DOCK3: variants seen among roughly 807,000 people sequenced by gnomAD.
The protein encoded by DOCK3 is dedicator of cytokinesis protein 3.
DOCK3 carries 60 observed loss-of-function variants against 265.6 expected under a neutral mutation model. The ratio of observed to expected loss-of-function variants is 0.23; its 90% CI spans 0.18 to 0.28. The LOEUF (loss-of-function observed/expected upper bound fraction) is 0.28. Among genes scored for constraint, DOCK3 ranks in the 10% least tolerant of loss-of-function variants. The probability of loss-of-function intolerance (pLI) is 1.00; values close to 1 mark genes in which losing one functional copy is unlikely to be tolerated. For synonymous variants in DOCK3, 881 were observed against 938.0 expected (o/e 0.94, Z 1.11); for missense variants, 1,981 against 2,594.3 (o/e 0.76, Z 5.14).
intron 1 of DOCK3, among the ~76,000 whole-genome samples, chr3:50,769,811 C>CAAA (rs3066895): frequency 1.1e-5 from 1 of 88,532 alleles, no homozygotes; most frequent in African/African-American, 4.5e-5. Context: ...GACTCTGTCT[C>CAAA]AAAAAAAAAA....
At chr3:50,693,983 T>G (rs1270320173) in intron 1 of DOCK3, among the ~76,000 whole-genome samples, 2 of 152,056 alleles carry the variant, frequency 1.3e-5, no homozygotes, top group Non-Finnish European at 2.9e-5. Context: ...CATACAAAAT[T>G]GTTGGCCAAG....
intron 14 of DOCK3, among the ~76,000 whole-genome samples, chr3:51,219,660 T>C (rs535912423): frequency 6.6e-6 from 1 of 152,306 alleles, no homozygotes; most frequent in Non-Finnish European, 1.5e-5. Flanking sequence ...ATCAGAAAGG[T>C]GGAAAGCTTC....
At chr3:50,759,858 A>T (rs868144926) in intron 1 of DOCK3, among the ~76,000 whole-genome samples, 596 of 3,220 alleles carry the variant, frequency 0.19, 7 homozygotes, top group East Asian at 0.5. Context: ...ATATTATTAA[A>T]AAAAAAAAAA....
chr3:51,242,018 G>A (rs1464781315), intron 21 of DOCK3, among the ~76,000 whole-genome samples: 2 of 152,076 alleles, frequency 1.3e-5, no homozygotes, highest in African/African-American at 2.4e-5. Context: ...CAGGGTCCTT[G>A]TGCTGGTTCT....
chr3:50,921,370 A>G, intron 4 of DOCK3, among the ~76,000 whole-genome samples: 1 of 152,110 alleles, frequency 6.6e-6, no homozygotes. Context: ...TGTGTCACGT[A>G]GTTCTTGTGG....
chr3:51,071,561 T>A (rs1309460946), intron 6 of DOCK3, among the ~76,000 whole-genome samples: 1 of 152,192 alleles, frequency 6.6e-6, no homozygotes, highest in Non-Finnish European at 1.5e-5. Flanking sequence ...ATAATTAAAA[T>A]AACAGTAGCA....
At chr3:50,946,252 C>T (rs1478620086) in intron 5 of DOCK3, among the ~76,000 whole-genome samples, 1 of 152,036 alleles carries the variant, frequency 6.6e-6, no homozygotes, top group Non-Finnish European at 1.5e-5. Context: ...CGTGCTTTAG[C>T]CCTACTATTT....
chr3:50,889,721 GT>G (rs1190150215), intron 3 of DOCK3, among the ~76,000 whole-genome samples: 1 of 152,000 alleles, frequency 6.6e-6, no homozygotes, highest in Non-Finnish European at 1.5e-5. Flanking sequence ...ACACAATACT[GT>G]TTCTGGAGAG....
intron 9 of DOCK3, among the ~76,000 whole-genome samples, chr3:51,112,691 T>C (rs1053824601): frequency 1.6e-4 from 24 of 152,324 alleles, no homozygotes; most frequent in African/African-American, 5.5e-4. Flanking sequence ...CTGTTGAGTG[T>C]ATGTAGAAGC....
chr3:51,012,287 TG>T (rs999235946), intron 5 of DOCK3, among the ~76,000 whole-genome samples: 1 of 152,206 alleles, frequency 6.6e-6, no homozygotes, highest in Non-Finnish European at 1.5e-5. Context: ...TGAGCTGCGG[TG>T]GGCTCCACCC....
At chr3:50,764,703 G>A (rs2040754211) in intron 1 of DOCK3, among the ~76,000 whole-genome samples, 1 of 152,070 alleles carries the variant, frequency 6.6e-6, no homozygotes, top group Admixed American at 6.6e-5. Context: ...CAGCTGCTTG[G>A]GTGAGGGGGT....
intron 4 of DOCK3, among the ~76,000 whole-genome samples, chr3:50,926,174 C>A (rs899609059): frequency 6.6e-6 from 1 of 152,064 alleles, no homozygotes; most frequent in Non-Finnish European, 1.5e-5. Flanking sequence ...CTTCTCTCCT[C>A]CCCTGATGCA....
At chr3:50,877,499 G>A (rs368387075) in intron 3 of DOCK3, 6 of 519,912 alleles carry the variant, frequency 1.2e-5, no homozygotes, top group East Asian at 5.4e-5. Flanking sequence ...TGTCAGTCTC[G>A]AATGGCAGTG....
At chr3:51,047,883 A>T (rs1256676950) in intron 5 of DOCK3, among the ~76,000 whole-genome samples, 3 of 152,170 alleles carry the variant, frequency 2.0e-5, no homozygotes, top group Admixed American at 6.5e-5. Flanking sequence ...AACTCATTTT[A>T]TGAGGCCAGC....
intron 2 of DOCK3, among the ~76,000 whole-genome samples, chr3:50,828,519 C>T (rs1393092642): frequency 1.3e-5 from 2 of 152,014 alleles, no homozygotes; most frequent in Non-Finnish European, 2.9e-5. Context: ...ATTCTCATGC[C>T]TCAGCCTCCT....
At chr3:51,144,098 G>A (rs1163451003) in intron 9 of DOCK3, among the ~76,000 whole-genome samples, 5 of 152,104 alleles carry the variant, frequency 3.3e-5, no homozygotes, top group South Asian at 2.1e-4. Context: ...TTTGCTGAAC[G>A]TACTATACAC....
intron 3 of DOCK3, among the ~76,000 whole-genome samples, chr3:50,885,661 GT>G (rs2048290009): frequency 6.6e-6 from 1 of 152,112 alleles, no homozygotes; most frequent in South Asian, 2.1e-4. Context: ...CTGGTTAGGG[GT>G]GGAAGTCCAG....
intron 23 of DOCK3, among the ~76,000 whole-genome samples, chr3:51,266,998 G>A (rs1023120757): frequency 1.3e-5 from 2 of 151,964 alleles, no homozygotes; most frequent in African/African-American, 4.8e-5. Context: ...CCATCAAAAA[G>A]TGGGCGAAGG....
intron 4 of DOCK3, among the ~76,000 whole-genome samples, chr3:50,925,623 C>T (rs1041687989): frequency 4.6e-5 from 7 of 152,008 alleles, no homozygotes; most frequent in African/African-American, 1.7e-4. Context: ...ACAGGGTAGT[C>T]TTCTTTGTGT....
Sources: allele counts gnomAD v4.1 joint callset (sites outside exome capture counted in the v4.1 genomes callset), GRCh38; gene constraint gnomAD v4.1.1; transcripts MANE v1.5; gene names NCBI Gene and HGNC (gene_info 2026-07-23, HGNC 2026-07-21).